The following ASAP2 variants were observed in gnomAD, a reference collection of about 807,000 sequenced individuals.
The protein encoded by ASAP2 is arf-GAP with SH3 domain, ANK repeat and PH domain-containing protein 2.
Under a neutral mutation model 131.4 loss-of-function variants are expected in ASAP2, and 45 were observed. The observed-to-expected ratio is 0.34, with a 90% CI of 0.27 to 0.44. The LOEUF (loss-of-function observed/expected upper bound fraction) is 0.44. Among genes scored for constraint, ASAP2 ranks in the 20% least tolerant of loss-of-function variants. The probability of loss-of-function intolerance (pLI) is 1.00; values close to 1 mark genes in which losing one functional copy is unlikely to be tolerated. For missense variants in ASAP2, 1,011 were observed against 1,297.0 expected, an observed-to-expected ratio of 0.78 and a Z score of 3.39; for synonymous variants, 510 against 503.0, an observed-to-expected ratio of 1.01 and a Z score of -0.19.
chr2:9,377,359 A>G (rs1674488629), intron 18 of ASAP2, among the ~76,000 whole-genome samples: 1 of 152,148 alleles, frequency 6.6e-6, no homozygotes, highest in Admixed American at 6.5e-5. Context: ...CCTGAGCAGT[A>G]GGGAGGTAGC....
chr2:9,215,007 G>A (rs1039088127), intron 1 of ASAP2, among the ~76,000 whole-genome samples: 2 of 152,092 alleles, frequency 1.3e-5, no homozygotes, highest in African/African-American at 4.8e-5. Flanking sequence ...GCTTAATGAC[G>A]AACATGCATC....
intron 11 of ASAP2, among the ~76,000 whole-genome samples, chr2:9,348,538 A>G (rs1274230458): frequency 6.6e-6 from 1 of 152,218 alleles, no homozygotes; most frequent in Non-Finnish European, 1.5e-5. Flanking sequence ...TGTACTTAAT[A>G]TTTAACCTGA....
intron 2 of ASAP2, among the ~76,000 whole-genome samples, chr2:9,282,135 C>T (rs2148324104): frequency 6.6e-6 from 1 of 152,208 alleles, no homozygotes; most frequent in East Asian, 1.9e-4. Context: ...TTTAACGTAG[C>T]TCCTTGGGCT....
chr2:9,383,578 G>A (rs1293338138), intron 20 of ASAP2, among the ~76,000 whole-genome samples: 2 of 152,100 alleles, frequency 1.3e-5, no homozygotes, highest in Non-Finnish European at 2.9e-5. Context: ...TACATTAATA[G>A]AGAGGCAAGC....
At chr2:9,259,916 G>A (rs952864446) in intron 1 of ASAP2, among the ~76,000 whole-genome samples, 1 of 152,164 alleles carries the variant, frequency 6.6e-6, no homozygotes, top group African/African-American at 2.4e-5. Flanking sequence ...AAGTGGAGCC[G>A]AGTATGGAAC....
intron 3 of ASAP2, among the ~76,000 whole-genome samples, chr2:9,312,410 C>T (rs1238230578): frequency 6.6e-6 from 1 of 152,152 alleles, no homozygotes; most frequent in Non-Finnish European, 1.5e-5. Flanking sequence ...GCTGGCAGGG[C>T]CCACACCAGC....
intron 2 of ASAP2, among the ~76,000 whole-genome samples, chr2:9,295,835 C>G (rs1015023128): frequency 1.3e-5 from 2 of 152,176 alleles, no homozygotes; most frequent in Admixed American, 1.3e-4. Context: ...CCCTCTAGTC[C>G]CCCAAATGCC....
chr2:9,216,245 G>T (rs550176933), intron 1 of ASAP2, among the ~76,000 whole-genome samples: 1 of 151,760 alleles, frequency 6.6e-6, no homozygotes, highest in Non-Finnish European at 1.5e-5. Context: ...GTGTGTTGGG[G>T]ATATCCAGAG....
At chr2:9,378,452 C>G (rs1023862197) in intron 18 of ASAP2, among the ~76,000 whole-genome samples, 6 of 152,240 alleles carry the variant, frequency 3.9e-5, no homozygotes, top group African/African-American at 1.2e-4. Context: ...GGGAAAGTGA[C>G]TTTTCCCTTT....
At position 9,374,954 on chromosome 2, in the gene ASAP2, T is replaced by C. The variant is rs1674277461; in HGVS notation, c.1746+10T>C. The C allele has an allele frequency of 6.4e-7, 1 of 1,553,534 alleles. No homozygotes were observed. The highest frequency in any genetic ancestry group is 8.7e-7 in the Non-Finnish European group (1 of 1,156,020). On this transcript the variant is annotated intron_variant, in intron 17 of 27. Transcript: ENST00000281419. Reference sequence around the variant, plus strand: ...ACTGGCCAACGGACATGTAAGAGTGTGGGTTGTTGCTACTTTAAAAAAAAA... The same window carrying C: ...ACTGGCCAACGGACATGTAAGAGTGCGGGTTGTTGCTACTTTAAAAAAAAA...
intron 3 of ASAP2, among the ~76,000 whole-genome samples, chr2:9,301,476 A>C (rs1221510927): frequency 6.6e-6 from 1 of 152,214 alleles, no homozygotes; most frequent in African/African-American, 2.4e-5. Context: ...CCTCTTCCCC[A>C]ATGGATGTGA....
chr2:9,397,142 C>T (rs1004893886), intron 24 of ASAP2, among the ~76,000 whole-genome samples: 1 of 152,220 alleles, frequency 6.6e-6, no homozygotes, highest in African/African-American at 2.4e-5. Flanking sequence ...CTTCTCTTGG[C>T]TTCTGGGCTC....
chr2:9,232,621 C>G lies in ASAP2; in HGVS notation c.126+25391C>G, dbSNP rs553816956. Among the ~76,000 whole-genome samples the G allele has an allele frequency of 2.0e-5, 3 of 152,182 alleles. No individual in the cohort carries two copies. Among genetic ancestry groups the G allele is most frequent in the Non-Finnish European group, 4.4e-5 (3 of 68,028 alleles). ...TTCCTGGGGGCAGGGATTTTTGACT[C>G]TTACTTAGTGATGCATCCTCAGCAC... is the stretch of plus-strand genomic sequence containing the variant. On this transcript the variant is annotated intron_variant, in intron 1 of 27. Transcript: ENST00000281419. The surrounding 1 kb of genome is among the most constrained non-coding windows in gnomAD (Gnocchi z 4.1).
chr2:9,369,054 T>C (rs1673719364), intron 16 of ASAP2, among the ~76,000 whole-genome samples: 1 of 152,048 alleles, frequency 6.6e-6, no homozygotes, highest in South Asian at 2.1e-4. Flanking sequence ...GTTTCACTCT[T>C]GTTACCCAGG....
chr2:9,359,475 G>A (rs1341398582), intron 15 of ASAP2, among the ~76,000 whole-genome samples: 1 of 152,212 alleles, frequency 6.6e-6, no homozygotes, highest in South Asian at 2.1e-4. Context: ...TATCGAGACT[G>A]TAGTCCCACA....
chr2:9,237,163 T>A (rs1663610335), intron 1 of ASAP2, among the ~76,000 whole-genome samples: 1 of 151,532 alleles, frequency 6.6e-6, no homozygotes, highest in African/African-American at 2.4e-5. Flanking sequence ...GAAGCTTTTT[T>A]AAAAAAAGAG....
At chr2:9,262,973 C>T (rs996386616) in intron 1 of ASAP2, among the ~76,000 whole-genome samples, 2 of 152,236 alleles carry the variant, frequency 1.3e-5, no homozygotes, top group African/African-American at 4.8e-5. Context: ...CTGGGGAAAT[C>T]AGCCTGGCTT....
At chr2:9,242,701 T>C (rs1266492558) in intron 1 of ASAP2, among the ~76,000 whole-genome samples, 2 of 152,218 alleles carry the variant, frequency 1.3e-5, no homozygotes, top group African/African-American at 4.8e-5. Context: ...CAGCTGATCA[T>C]CATTTTATCC....
chr2:9,345,357 T>C (rs1251815648), intron 11 of ASAP2, among the ~76,000 whole-genome samples: 1 of 152,148 alleles, frequency 6.6e-6, no homozygotes, highest in African/African-American at 2.4e-5. Flanking sequence ...TCAGAGTCTA[T>C]GCAAGAAAAA....
Sources: gnomAD v4.1 joint callset for allele counts (sites outside exome capture counted in the v4.1 genomes callset) on GRCh38, gnomAD v4.1.1 for gene constraint, Gnocchi (gnomAD v3.1) non-coding constraint, MANE v1.5 for transcripts, NCBI Gene and HGNC (gene_info 2026-07-23, HGNC 2026-07-21) for gene names.